The following GRIN2B variants were observed in gnomAD, a reference collection of about 807,000 sequenced individuals.
GRIN2B encodes glutamate receptor ionotropic, NMDA 2B.
In GRIN2B, 5 loss-of-function variants were observed where a neutral mutation model predicts 114.5. That is an observed-to-expected ratio of 0.04 (90% CI 0.02 to 0.09). GRIN2B has a LOEUF of 0.09. GRIN2B is among the 10% of genes least tolerant of loss of function. GRIN2B has a pLI of 1.00. For synonymous variants in GRIN2B, 787 were observed against 745.1 expected (o/e 1.06, Z -0.92); for missense variants, 1,108 against 1,943.5 (o/e 0.57, Z 8.08).
intron 3 of GRIN2B, among the ~76,000 whole-genome samples, chr12:13,800,373 C>T (rs1473858002): frequency 2.0e-5 from 3 of 152,146 alleles, no homozygotes; most frequent in African/African-American, 7.2e-5. Context: ...ATTTTCATCT[C>T]CCAGCCTCTT....
intron 3 of GRIN2B, among the ~76,000 whole-genome samples, chr12:13,775,422 C>T (rs955382490): frequency 2.0e-5 from 3 of 152,240 alleles, no homozygotes; most frequent in African/African-American, 2.4e-5. Context: ...TAGGAATGCA[C>T]CTGCCTCTCC....
At chr12:13,842,092 G>A (rs1242794982) in intron 3 of GRIN2B, among the ~76,000 whole-genome samples, 3 of 152,078 alleles carry the variant, frequency 2.0e-5, no homozygotes, top group Admixed American at 2.0e-4. Context: ...GGCCAAAAAG[G>A]AGGCTTGACG....
intron 2 of GRIN2B, among the ~76,000 whole-genome samples, chr12:13,912,007 G>T (rs1255912787): frequency 1.3e-5 from 2 of 152,082 alleles, no homozygotes; most frequent in African/African-American, 4.8e-5. Flanking sequence ...TGACTAGTGC[G>T]CACAAATTAA....
intron 1 of GRIN2B, among the ~76,000 whole-genome samples, chr12:13,980,841 G>C (rs1863120142): frequency 6.6e-6 from 1 of 152,214 alleles, no homozygotes; most frequent in African/African-American, 2.4e-5. Flanking sequence ...TGCTGAATGG[G>C]TTCTGATTGT....
intron 2 of GRIN2B, among the ~76,000 whole-genome samples, chr12:13,872,795 A>T (rs984381544): frequency 6.6e-6 from 1 of 152,194 alleles, no homozygotes; most frequent in Non-Finnish European, 1.5e-5. Flanking sequence ...TCTATGTAGG[A>T]ATTAACAAAA....
intron 4 of GRIN2B, among the ~76,000 whole-genome samples, chr12:13,700,624 G>C (rs762399935): frequency 3.3e-5 from 5 of 152,128 alleles, no homozygotes; most frequent in Non-Finnish European, 7.4e-5. Context: ...GTGACTCCCA[G>C]GTGACAGCTA....
chr12:13,978,278 T>C (rs1030812815), intron 2 of GRIN2B, among the ~76,000 whole-genome samples: 1 of 152,224 alleles, frequency 6.6e-6, no homozygotes, highest in Non-Finnish European at 1.5e-5. Context: ...AGATGGAGAA[T>C]GAGTTCAGGT....
At chr12:13,717,343 G>A (rs1420391669) in intron 4 of GRIN2B, among the ~76,000 whole-genome samples, 1 of 151,906 alleles carries the variant, frequency 6.6e-6, no homozygotes, top group African/African-American at 2.4e-5. Flanking sequence ...GCAAGGCAAT[G>A]CAGAATAACA....
Position 13,615,008 on chromosome 12 carries a change from C to G in GRIN2B, c.1654+106G>C. 1 of 1,062,192 alleles carries G rather than the reference C, an allele frequency of 9.4e-7. No homozygotes were observed. The highest frequency in any genetic ancestry group is 1.5e-6 in the Non-Finnish European group (1 of 679,218). The allele number at this position is 1,062,192 out of a possible 1,614,324, so 65.8% of individuals were successfully genotyped here. A position where few individuals can be genotyped will look rare whatever the true frequency, so the allele number is the denominator to read the frequency against. On this transcript the variant is annotated intron_variant, in intron 8 of 13. Coordinates refer to ENST00000609686, the MANE Select transcript of GRIN2B (RefSeq NM_000834.5). This position sits in a 1 kb window ranked among gnomAD's most constrained non-coding sequence, Gnocchi z 5.8. ...GTCCCTGGCTGAGTTGAGCTCCTAG[C>G]AAACCACCTTCTAGCTGGAACAGCC...
chr12:13,585,548 C>A (rs970195630), intron 10 of GRIN2B, among the ~76,000 whole-genome samples: 1 of 152,186 alleles, frequency 6.6e-6, no homozygotes, highest in African/African-American at 2.4e-5. Context: ...ACACTGCATG[C>A]CCCTCGGGGT....
chr12:13,603,112 G>A (rs1283314859), intron 10 of GRIN2B, among the ~76,000 whole-genome samples: 1 of 152,088 alleles, frequency 6.6e-6, no homozygotes, highest in African/African-American at 2.4e-5. Context: ...TAAAGCTAAG[G>A]GTCACTCTAT....
chr12:13,838,744 C>T (rs990747921), intron 3 of GRIN2B, among the ~76,000 whole-genome samples: 9 of 152,208 alleles, frequency 5.9e-5, no homozygotes, highest in South Asian at 2.1e-4. Context: ...ATAGGAAGGG[C>T]GAGGAAGGGG....
chr12:13,908,893 G>A (rs947300008), intron 2 of GRIN2B, among the ~76,000 whole-genome samples: 1 of 152,142 alleles, frequency 6.6e-6, no homozygotes, highest in Admixed American at 6.6e-5. Context: ...TGCATAACAC[G>A]AAGCACACTG....
At chr12:13,569,529 G>T (rs1035127673) in intron 12 of GRIN2B, among the ~76,000 whole-genome samples, 52 of 152,248 alleles carry the variant, frequency 3.4e-4, no homozygotes, top group Non-Finnish European at 5.9e-4. Flanking sequence ...TATAGGAGAG[G>T]CATGAAACAG....
intron 4 of GRIN2B, among the ~76,000 whole-genome samples, chr12:13,738,283 A>T (rs1863219911): frequency 6.6e-6 from 1 of 152,220 alleles, no homozygotes; most frequent in African/African-American, 2.4e-5. Context: ...TTTTAAAACC[A>T]CTTGTGTACT....
chr12:13,792,599 C>A (rs1864339680), intron 3 of GRIN2B, among the ~76,000 whole-genome samples: 1 of 152,218 alleles, frequency 6.6e-6, no homozygotes, highest in South Asian at 2.1e-4. Context: ...TTCATGAAGG[C>A]TTCAGGCTCC....
intron 5 of GRIN2B, among the ~76,000 whole-genome samples, chr12:13,621,984 G>A (rs1949522773): frequency 6.6e-6 from 1 of 151,884 alleles, no homozygotes; most frequent in Non-Finnish European, 1.5e-5. Context: ...AACAGTTGAT[G>A]TGAGCAGAAG....
rs1324714926 is a variant in GRIN2B at position 13,567,071 on chromosome 12, A to G, written c.2552T>C (p.Met851Thr). The part of the protein sequence containing the change: ...LFYWQFRHCF[M>T]GVCSGKPGMV... ...GCCAGGCTTGCCAGAACAGACACCC[A>G]TAAAGCAATGTCGGAACTGCCAATA... The change falls in exon 13 of 14, where the codon ATG becomes ACG. Residue 851 changes from methionine to threonine, a missense_variant. By Grantham distance (81) the Met-to-Thr change is moderately conservative. This residue lies in a region of GRIN2B where 30 missense variants were observed against 35.9 expected (regional missense o/e 0.84). Transcript: ENST00000609686. The G allele has an allele frequency of 6.2e-7, 1 of 1,614,050 alleles. No individual in the cohort carries two copies. The highest frequency in any genetic ancestry group is 1.3e-5 in the African/African-American group (1 of 74,946).
intron 4 of GRIN2B, among the ~76,000 whole-genome samples, chr12:13,707,822 A>C (rs897489676): frequency 6.6e-6 from 1 of 152,162 alleles, no homozygotes; most frequent in Non-Finnish European, 1.5e-5. Flanking sequence ...CCTGAAAAGA[A>C]GGAATGAAAG....
Sources: gnomAD v4.1 joint callset for allele counts (sites outside exome capture counted in the v4.1 genomes callset) on GRCh38, gnomAD v4.1.1 for gene constraint, gnomAD v4.1.1 regional missense constraint, Gnocchi (gnomAD v3.1) non-coding constraint, MANE v1.5 for transcripts, NCBI Gene and HGNC (gene_info 2026-07-23, HGNC 2026-07-21) for gene names.